Variants in APOB observed in about 807,000 individuals in gnomAD.
APOB encodes the protein apolipoprotein B, also known as apolipoprotein B-100.
Under a neutral mutation model 314.1 loss-of-function variants are expected in APOB, and 153 were observed. The observed-to-expected ratio is 0.49, with a 90% CI of 0.43 to 0.56. The LOEUF (loss-of-function observed/expected upper bound fraction) is 0.56, where lower values mean the gene tolerates loss of function less well. Ranked by LOEUF, APOB falls within the 20% of genes least tolerant of loss-of-function variation. The probability of loss-of-function intolerance (pLI) is 0.00; values close to 1 mark genes in which losing one functional copy is unlikely to be tolerated. For missense variants in APOB, 5,430 were observed against 5,350.7 expected, an observed-to-expected ratio of 1.01 and a Z score of -0.46; for synonymous variants, 2,087 against 2,036.4, an observed-to-expected ratio of 1.02 and a Z score of -0.67.
In APOB at chr2:21,041,027, G is replaced by T; in HGVS notation, c.294C>A (p.Thr98=). Residue 98 remains threonine, a synonymous_variant, in exon 4 of 29, where the codon ACC becomes ACA. Transcript: ENST00000233242. The stretch of plus-strand genomic sequence containing the variant: ...GGTTGAAGCCATACACCTCTTTCAG[G>T]GTGCACTGGCTGGTCTTCAGGATGA... The part of the protein sequence containing the change: ...CSFILKTSQC[T]LKEVYGFNPE... 6.2e-7 allele frequency: 1 copy of T among 1,613,548 alleles called. No individual in the cohort carries two copies. The highest frequency in any genetic ancestry group is 8.5e-7 in the Non-Finnish European group (1 of 1,179,912).
intron 2 of APOB, among the ~76,000 whole-genome samples, chr2:21,042,798 C>T (rs951814445): frequency 2.0e-5 from 3 of 151,772 alleles, no homozygotes; most frequent in Non-Finnish European, 2.9e-5. Context: ...GACAACATTA[C>T]GCAAATAGTA....
intron 4 of APOB, among the ~76,000 whole-genome samples, chr2:21,039,187 C>G (rs937021704): frequency 3.9e-5 from 6 of 152,246 alleles, no homozygotes; most frequent in African/African-American, 1.2e-4. Context: ...CCTGATGGCT[C>G]TCGTTTCCAC....
rs866063436 is a variant in APOB, at chr2:21,002,074, C to T, written c.13348G>A (p.Glu4450Lys). The T allele has an allele frequency of 6.2e-7, 1 of 1,613,936 alleles. No homozygotes were observed. The highest frequency in any genetic ancestry group is 2.2e-5 in the East Asian group (1 of 44,862). The change falls in exon 29 of 29, where the codon GAA becomes AAA. Residue 4450 changes from glutamate (E) to lysine (K), a missense_variant. Glu to Lys is a moderately conservative substitution (Grantham distance 56, BLOSUM62 1). This residue lies in a region of APOB where 3,281 missense variants were observed against 3,171.0 expected (regional missense o/e 1.03). Transcript: ENST00000233242. ...VEQFLHRNIQ[E>K]YLSILTDPDG... ...GGATCGGTAAGGATGCTAAGATATT[C>T]CTGAATATTTCTGTGCAGAAATTGC...
rs376250460 is a variant in APOB, at chr2:21,008,385, A to G, written c.8483T>C (p.Val2828Ala). ...KINPLALKES[V>A]KFSSKYLRTE... Reference sequence around the variant, plus strand: ...TCTCAGGTACTTGCTGGAGAACTTCACTGACTCCTTCAGAGCCAGCGGATT... The same window carrying G: ...TCTCAGGTACTTGCTGGAGAACTTCGCTGACTCCTTCAGAGCCAGCGGATT... Residue 2828 changes from valine to alanine, a missense_variant, in exon 26 of 29, where the codon GTG (valine) becomes GCG (alanine). Val to Ala is a moderately conservative substitution (Grantham distance 64). This residue lies in a region of APOB where 3,281 missense variants were observed against 3,171.0 expected (regional missense o/e 1.03). Transcript: ENST00000233242. 8 of 1,613,974 alleles carry G rather than the reference A, an allele frequency of 5.0e-6. No homozygotes were observed. In the African/African-American group the frequency reaches 6.7e-5, roughly 13 times the overall value.
In APOB at chr2:21,033,457, G is replaced by T. The variant is rs755978246; in HGVS notation, c.966C>A (p.Ala322=). The stretch of plus-strand genomic sequence containing the variant: ...CCTGGAGAGTCTTCAAAACAGCTTC[G>T]GCCTGCTTTGGAGGTGATGTGGATT... ...STKSTSPPKQ[A]EAVLKTLQEL... The change falls in exon 9 of 29, where the codon GCC becomes GCA. Residue 322 remains alanine (A), a synonymous_variant. Coordinates refer to ENST00000233242, the MANE Select transcript of APOB (RefSeq NM_000384.3). 6.2e-7 allele frequency: 1 copy of T among 1,613,934 alleles called. No homozygotes were observed. Among genetic ancestry groups the T allele is most frequent in the Non-Finnish European group, 8.5e-7 (1 of 1,179,976 alleles).
At position 21,016,237 on chromosome 2, in the gene APOB, G is replaced by A. The variant is rs540061167; in HGVS notation, c.3332+202C>T. ...CGGGAGGCGGAGGTTGCAGTGAGCC[G>A]AGATTGTGCCACTGCACTCCAGCCT... is the stretch of plus-strand genomic sequence containing the variant. On this transcript the variant is annotated intron_variant, in intron 21 of 28. Coordinates refer to ENST00000233242, the MANE Select transcript of APOB (RefSeq NM_000384.3). Among the ~76,000 whole-genome samples the A allele has an allele frequency of 1.0e-3, 159 of 151,974 alleles. 2 individuals carry two copies. The highest frequency in any genetic ancestry group is 4.0e-4 in the Non-Finnish European group (27 of 67,960).
Position 21,026,889 on chromosome 2 carries a change from C to A in APOB, c.2143G>T (p.Val715Phe), listed in dbSNP as rs757545777. ...FGKQGFFPDS[V>F]NKALYWVNGQ... ...TTAACCCAGTACAAAGCTTTGTTGA[C>A]ACTGTCTGGGAAAAATCCTTGCTTC... The change falls in exon 15 of 29, where the codon GTC (valine) becomes TTC (phenylalanine). Residue 715 changes from valine (V) to phenylalanine (F), a missense_variant. Val to Phe is a conservative substitution (Grantham distance 50, BLOSUM62 -1). Transcript: ENST00000233242. 6.8e-6 allele frequency: 11 copies of A among 1,614,046 alleles called. No individual in the cohort carries two copies. The South Asian group carries it at 1.1e-4, about 16-fold the overall frequency.
At chr2:21,031,855 C>T (rs1303555592) in intron 10 of APOB, among the ~76,000 whole-genome samples, 1 of 151,182 alleles carries the variant, frequency 6.6e-6, no homozygotes, top group African/African-American at 2.4e-5. Context: ...CTCAAAAAAA[C>T]AACAACAACA....
chr2:21,025,113 A>G lies in APOB; in HGVS notation c.2256T>C (p.Asn752=). ...KDDKHEQDMV[N]GIMLSVEKLI... The stretch of plus-strand genomic sequence containing the variant: ...GCTTCTCAACACTGAGCATTATTCC[A>G]TTTACCATATCCTGAGAGTTTAGTA... Residue 752 remains asparagine (N), a synonymous_variant, in exon 16 of 29, where the codon AAT becomes AAC. Coordinates refer to ENST00000233242, the MANE Select transcript of APOB (RefSeq NM_000384.3). The G allele has an allele frequency of 2.5e-6, 4 of 1,614,068 alleles. No individual in the cohort carries two copies. The African/African-American group carries it at 4.0e-5, about 16-fold the overall frequency.
intron 18 of APOB, among the ~76,000 whole-genome samples, chr2:21,021,021 A>G (rs1396097875): frequency 6.6e-6 from 1 of 152,202 alleles, no homozygotes; most frequent in Non-Finnish European, 1.5e-5. Context: ...CAACCTCTGT[A>G]TACTAATGAT....
At chr2:21,031,416 A>T (rs1398126310) in intron 10 of APOB, among the ~76,000 whole-genome samples, 1 of 152,212 alleles carries the variant, frequency 6.6e-6, no homozygotes, top group Non-Finnish European at 1.5e-5. Context: ...ACAAGGACAT[A>T]GTGTGTGGAA....
intron 25 of APOB, among the ~76,000 whole-genome samples, chr2:21,012,918 C>T (rs1041189332): frequency 2.0e-5 from 3 of 152,212 alleles, no homozygotes; most frequent in African/African-American, 7.2e-5. Flanking sequence ...ATCATAGCAC[C>T]TCTCACACTG....
intron 26 of APOB, 80 bp downstream of exon 26, chr2:21,005,000 C>T: frequency 7.1e-6 from 11 of 1,558,148 alleles, no homozygotes; most frequent in Non-Finnish European, 9.7e-6. Context: ...CATCTACTCA[C>T]AACTAAATAC....
Position 21,012,325 on chromosome 2 carries a change from T to C in APOB, c.4543A>G (p.Asn1515Asp), listed in dbSNP as rs1663347689. 5.6e-6 allele frequency: 9 copies of C among 1,614,176 alleles called. No homozygotes were observed. The highest frequency in any genetic ancestry group is 6.8e-6 in the Non-Finnish European group (8 of 1,180,038). The change falls in exon 26 of 29, where the codon AAT (asparagine) becomes GAT (aspartate). Residue 1515 changes from asparagine (N) to aspartate (D), a missense_variant. Around this residue, in one of 3 missense-constraint regions of APOB, gnomAD observed 2,085 missense variants for 2,079.7 expected, o/e 1.00. Coordinates refer to ENST00000233242, the MANE Select transcript of APOB (RefSeq NM_000384.3). ...CQRDPNTGRL[N>D]GESNLRFNSS... Reference sequence around the variant, plus strand: ...TTAAACCTCAGGTTGGACTCTCCATTGAGCCGGCCAGTGTTAGGATCCCTC... The same window carrying C: ...TTAAACCTCAGGTTGGACTCTCCATCGAGCCGGCCAGTGTTAGGATCCCTC...
chr2:21,004,231 C>T (rs781231888), intron 28 of APOB, 38 bp downstream of exon 28: 21 of 1,604,308 alleles, frequency 1.3e-5, no homozygotes, highest in African/African-American at 4.0e-5. Context: ...ATTCTCCACT[C>T]GCTCTTGGGG....
chr2:21,013,469 C>G lies in APOB; in HGVS notation c.3907G>C (p.Gly1303Arg). 6.2e-7 allele frequency: 1 copy of G among 1,614,146 alleles called. No individual in the cohort carries two copies. Among genetic ancestry groups the G allele is most frequent in the Non-Finnish European group, 8.5e-7 (1 of 1,180,006 alleles). ...SLKIEIPLPFGGKSSRDLKML... is the reference protein window; with the variant it reads ...SLKIEIPLPFRGKSSRDLKML... ...TTTAGATCTCTGGAGGATTTGCCAC[C>G]AAAAGGCAAAGGAATCTCAATTTTC... Residue 1303 changes from glycine (G) to arginine (R), a missense_variant, in exon 25 of 29, where the codon GGT (glycine) becomes CGT (arginine). Transcript: ENST00000233242.
rs1173005685 is a variant in APOB at position 21,012,001 on chromosome 2, C to T, written c.4867G>A (p.Gly1623Ser). The change falls in exon 26 of 29, where the codon GGT becomes AGT. Residue 1623 changes from glycine to serine, a missense_variant. Transcript: ENST00000233242. ...SLLSGSLNSH[G>S]LELNADILGT... Reference sequence around the variant, plus strand: ...AAGATGTCAGCATTTAACTCAAGACCATGGGAATTTAGTGATCCAGAAAGC... The same window carrying T: ...AAGATGTCAGCATTTAACTCAAGACTATGGGAATTTAGTGATCCAGAAAGC... 12 of 1,613,994 alleles carry T rather than the reference C, an allele frequency of 7.4e-6. No individual in the cohort carries two copies. In the South Asian group the frequency reaches 9.9e-5, roughly 13 times the overall value.
intron 22 of APOB, 43 bp from the exon 23 acceptor site, chr2:21,015,303 C>T (rs1158474594): frequency 1.2e-6 from 2 of 1,612,994 alleles, no homozygotes; most frequent in African/African-American, 1.3e-5. Flanking sequence ...ACTAGTTCAG[C>T]CTGTAACCAC....
At position 21,008,187 on chromosome 2, in the gene APOB, T is replaced by C. The variant is rs1486375876; in HGVS notation, c.8681A>G (p.Asn2894Ser). Residue 2894 changes from asparagine to serine, a missense_variant, in exon 26 of 29, where the codon AAC (asparagine) becomes AGC (serine). Physicochemically the swap from Asn to Ser is conservative, Grantham distance 46. Transcript: ENST00000233242. The stretch of plus-strand genomic sequence containing the variant: ...ACTAGAGAAGTCCAGTTTGGGGATG[T>C]TCAATTTGTGGAAGTATTTAGTGTT... ...DSNTKYFHKLNIPKLDFSSQA... is the reference protein window; with the variant it reads ...DSNTKYFHKLSIPKLDFSSQA... The C allele has an allele frequency of 3.1e-6, 5 of 1,614,002 alleles. No individual in the cohort carries two copies. The highest frequency in any genetic ancestry group is 4.2e-6 in the Non-Finnish European group (5 of 1,179,978).
Sources: allele counts gnomAD v4.1 joint callset (sites outside exome capture counted in the v4.1 genomes callset), GRCh38; gene constraint gnomAD v4.1.1; regional missense constraint gnomAD v4.1.1; transcripts MANE v1.5; gene names NCBI Gene and HGNC (gene_info 2026-07-23, HGNC 2026-07-21).